Variants in ATP1B3 observed in about 807,000 individuals in gnomAD.
ATP1B3 encodes ATPase Na+/K+ transporting subunit beta 3.
A neutral mutation model predicts 30.2 loss-of-function variants in ATP1B3; 10 were observed. The ratio of observed to expected loss-of-function variants is 0.33; its 90% confidence interval spans 0.20 to 0.56. The LOEUF (loss-of-function observed/expected upper bound fraction) is 0.56, where lower values mean the gene tolerates loss of function less well. ATP1B3 is among the 20% of genes least tolerant of loss of function. The pLI is 0.90. For missense variants in ATP1B3, 238 were observed against 336.7 expected, an observed-to-expected ratio of 0.71 and a Z score of 2.29; for synonymous variants, 113 against 117.0, an observed-to-expected ratio of 0.97 and a Z score of 0.22.
At chr3:141,885,923 A>ACACACACACC (rs1553743564) in intron 1 of ATP1B3, among the ~76,000 whole-genome samples, 5 of 140,986 alleles carry the variant, frequency 3.5e-5, no homozygotes, top group Non-Finnish European at 6.2e-5. Flanking sequence ...ACACACACAC[A>ACACACACACC]CCCCTGTAGT....
intron 1 of ATP1B3, among the ~76,000 whole-genome samples, chr3:141,889,756 T>TAC (rs34670135): frequency 0.028 from 2,372 of 83,924 alleles, 107 homozygotes; most frequent in South Asian, 0.052. Flanking sequence ...AAAAAATATA[T>TAC]ACACACACAC....
Position 141,876,737 on chromosome 3 carries a change from C to T in ATP1B3, c.-65C>T, listed in dbSNP as rs1371395191. The T allele has an allele frequency of 1.2e-5, 16 of 1,313,530 alleles. No individual in the cohort carries two copies. The highest frequency in any genetic ancestry group is 1.6e-5 in the Non-Finnish European group (15 of 937,138). 81.4% of individuals were successfully genotyped at this position (1,313,530 alleles called of 1,614,324 possible). ...GCTGCGCCGCCGGAGCCGGGACGCG[C>T]CTCCGCAGCCCTCGCCGCCTCCATC... On this transcript the variant is annotated 5_prime_UTR_variant, in exon 1 of 7. Coordinates refer to ENST00000286371, the MANE Select transcript of ATP1B3 (RefSeq NM_001679.4).
chr3:141,895,018 T>C (rs1934033644), intron 1 of ATP1B3, among the ~76,000 whole-genome samples: 1 of 152,014 alleles, frequency 6.6e-6, no homozygotes, highest in Non-Finnish European at 1.5e-5. Flanking sequence ...ATTTTTCAGC[T>C]TTATTATGAT....
chr3:141,908,046 CT>C (rs545727073), intron 3 of ATP1B3, among the ~76,000 whole-genome samples: 2 of 88,126 alleles, frequency 2.3e-5, no homozygotes, highest in African/African-American at 3.9e-5. Flanking sequence ...AAGGAAGAAT[CT>C]TTTTTTTTGT....
intron 1 of ATP1B3, among the ~76,000 whole-genome samples, chr3:141,889,484 C>G (rs1222518705): frequency 6.6e-6 from 1 of 151,852 alleles, no homozygotes; most frequent in Non-Finnish European, 1.5e-5. Context: ...GATCCCAGCA[C>G]TTTGGGAGGC....
intron 1 of ATP1B3, among the ~76,000 whole-genome samples, chr3:141,889,980 A>G (rs1257994145): frequency 4.7e-5 from 7 of 150,374 alleles, no homozygotes; most frequent in African/African-American, 7.3e-5. Flanking sequence ...TTCCATTTTG[A>G]TAGGATGCTG....
chr3:141,880,921 C>G (rs1933708510), intron 1 of ATP1B3, among the ~76,000 whole-genome samples: 1 of 152,144 alleles, frequency 6.6e-6, no homozygotes, highest in Non-Finnish European at 1.5e-5. Context: ...AAAAACAAAC[C>G]AGGCGGGACA....
At chr3:141,879,758 G>A (rs954187459) in intron 1 of ATP1B3, among the ~76,000 whole-genome samples, 30 of 99,966 alleles carry the variant, frequency 3.0e-4, no homozygotes, top group Admixed American at 5.5e-4. Context: ...CAGCCTGGGC[G>A]ACAAAGCAAG....
chr3:141,881,031 C>T (rs1933712916), intron 1 of ATP1B3, among the ~76,000 whole-genome samples: 1 of 152,026 alleles, frequency 6.6e-6, no homozygotes. Context: ...TGGCGAAATC[C>T]GTCTTTACTT....
intron 1 of ATP1B3, among the ~76,000 whole-genome samples, chr3:141,880,402 C>T (rs1387787903): frequency 1.3e-5 from 2 of 152,118 alleles, no homozygotes; most frequent in Non-Finnish European, 2.9e-5. Flanking sequence ...GGTTTTCAAG[C>T]TGAAAAGTAA....
chr3:141,919,254 C>A lies in ATP1B3; in HGVS notation c.583-2723C>A, dbSNP rs1934522939. Among the ~76,000 whole-genome samples the A allele has an allele frequency of 2.0e-5, 3 of 147,732 alleles. No homozygotes were observed. In the Admixed American group the frequency reaches 2.0e-4, roughly 10 times the overall value. ...AGTTAGAGTCCTGAAAATACAAACA[C>A]TTAACATACCCTTGGAGGTGCTTTT... On this transcript the variant is annotated intron_variant, in intron 5 of 6. Coordinates refer to ENST00000286371, the MANE Select transcript of ATP1B3 (RefSeq NM_001679.4).
At chr3:141,889,965 G>A (rs9859932) in intron 1 of ATP1B3, among the ~76,000 whole-genome samples, 83,863 of 149,858 alleles carry the variant, frequency 0.56, 23,970 homozygotes, top group African/African-American at 0.68. Context: ...ATATTGTGCA[G>A]TTTTTTCCAT....
At chr3:141,896,326 A>AG (rs1553744244) in intron 1 of ATP1B3, among the ~76,000 whole-genome samples, 1 of 151,392 alleles carries the variant, frequency 6.6e-6, no homozygotes, top group Non-Finnish European at 1.5e-5. Flanking sequence ...AAAAAAAAAA[A>AG]TTTTCTTAAG....
chr3:141,906,581 A>G (rs938354705), intron 2 of ATP1B3, among the ~76,000 whole-genome samples: 6 of 152,224 alleles, frequency 3.9e-5, no homozygotes, highest in Non-Finnish European at 8.8e-5. Context: ...TCTGTATTAC[A>G]TGGGTGTCAA....
Position 141,915,151 on chromosome 3 carries a change from C to T in ATP1B3, c.532-819C>T, listed in dbSNP as rs901244908. 9.9e-5 allele frequency among the ~76,000 whole-genome samples: 15 copies of T among 152,276 alleles called. 1 individual carries two copies. Among genetic ancestry groups the T allele is most frequent in the Non-Finnish European group, 2.1e-4 (14 of 68,018 alleles). ...TCAACCTTCTGGGTTTGTTTTCTTT[C>T]TCAAGATGGTCTCCTTGAATGATAA... On this transcript the variant is annotated intron_variant, in intron 4 of 6. Transcript: ENST00000286371.
At chr3:141,888,611 G>A (rs1436278043) in intron 1 of ATP1B3, among the ~76,000 whole-genome samples, 1 of 152,120 alleles carries the variant, frequency 6.6e-6, no homozygotes, top group Non-Finnish European at 1.5e-5. Context: ...TGACTCACAT[G>A]ATATGGCTTG....
rs758723572 is a variant in ATP1B3 at position 141,876,901 on chromosome 3, A to C, written c.100A>C (p.Lys34Gln). The C allele has an allele frequency of 1.9e-6, 3 of 1,578,336 alleles. No individual in the cohort carries two copies. The South Asian group carries it at 3.4e-5, about 18-fold the overall frequency. The part of the protein sequence containing the change: ...TTGEFLGRTA[K>Q]SWGLILLFYL... ...CGGAGAATTCCTGGGGCGCACCGCC[A>C]AGAGCTGGGGTGAGCGGGCAGCAGC... The change falls in exon 1 of 7, where the codon AAG (lysine) becomes CAG (glutamine). Residue 34 changes from lysine to glutamine, a missense_variant. Around this residue, in one of 3 missense-constraint regions of ATP1B3, gnomAD observed 130 missense variants for 148.8 expected, o/e 0.87. Transcript: ENST00000286371.
chr3:141,898,613 G>A (rs923422975), intron 1 of ATP1B3, among the ~76,000 whole-genome samples: 3 of 152,204 alleles, frequency 2.0e-5, no homozygotes, highest in Non-Finnish European at 2.9e-5. Flanking sequence ...TGTTAATGAG[G>A]TTGAGGAGGA....
intron 1 of ATP1B3, among the ~76,000 whole-genome samples, chr3:141,888,438 A>G (rs1210776293): frequency 6.6e-6 from 1 of 152,208 alleles, no homozygotes; most frequent in Non-Finnish European, 1.5e-5. Context: ...GAGTAATAGG[A>G]AACTCATATG....
Sources: gnomAD v4.1 joint callset for allele counts (sites outside exome capture counted in the v4.1 genomes callset) on GRCh38, gnomAD v4.1.1 for gene constraint, gnomAD v4.1.1 regional missense constraint, MANE v1.5 for transcripts, NCBI Gene and HGNC (gene_info 2026-07-23, HGNC 2026-07-21) for gene names.